The following ZCCHC7 variants were observed in gnomAD, a reference collection of about 807,000 sequenced individuals.
ZCCHC7 encodes zinc finger CCHC-type containing 7.
Under a neutral mutation model 52.0 loss-of-function variants are expected in ZCCHC7, and 35 were observed. The observed-to-expected ratio is 0.67, with a 90% CI of 0.51 to 0.89. The LOEUF is 0.89. ZCCHC7 is among the 40% of genes least tolerant of loss of function. The probability of loss-of-function intolerance (pLI) is 0.00; values close to 1 mark genes in which losing one functional copy is unlikely to be tolerated. For missense variants in ZCCHC7, 574 were observed against 649.1 expected, an observed-to-expected ratio of 0.88 and a Z score of 1.26; for synonymous variants, 217 against 221.5, an observed-to-expected ratio of 0.98 and a Z score of 0.18.
rs532929352 is a variant in ZCCHC7 at position 37,220,366 on chromosome 9, C to T, written c.611-81822C>T. 3.9e-5 allele frequency among the ~76,000 whole-genome samples: 6 copies of T among 152,160 alleles called. No individual in the cohort carries two copies. In the South Asian group the frequency reaches 1.0e-3, roughly 26 times the overall value. Reference sequence around the variant, plus strand: ...GACCAGCCTGGCCAACATGGTGAAACCCCATCTCTACCAAAAATATAAAAA... The same window carrying T: ...GACCAGCCTGGCCAACATGGTGAAATCCCATCTCTACCAAAAATATAAAAA... On this transcript the variant is annotated intron_variant, in intron 2 of 8. Transcript: ENST00000336755.
At chr9:37,295,068 C>T (rs1188538981) in intron 2 of ZCCHC7, among the ~76,000 whole-genome samples, 1 of 152,156 alleles carries the variant, frequency 6.6e-6, no homozygotes, top group Admixed American at 6.5e-5. Context: ...ATAGAAATTA[C>T]ACAGTTAAGT....
At chr9:37,305,756 G>A in intron 5 of ZCCHC7, 42 bp downstream of exon 5, 2 of 1,603,288 alleles carry the variant, frequency 1.2e-6, no homozygotes, top group Non-Finnish European at 8.5e-7. Flanking sequence ...GCTTTGGAGG[G>A]AGTGTGCAAG....
chr9:37,209,568 G>A (rs189586109), intron 2 of ZCCHC7, among the ~76,000 whole-genome samples: 3 of 152,040 alleles, frequency 2.0e-5, no homozygotes, highest in Admixed American at 6.5e-5. Context: ...ATATGCATAT[G>A]TATGTATACA....
intron 2 of ZCCHC7, among the ~76,000 whole-genome samples, chr9:37,257,174 C>T (rs1244375330): frequency 6.6e-6 from 1 of 152,142 alleles, no homozygotes; most frequent in African/African-American, 2.4e-5. Context: ...ATCAATATGG[C>T]GGGTAGAGGC....
chr9:37,259,579 A>C (rs1826765510), intron 2 of ZCCHC7, among the ~76,000 whole-genome samples: 1 of 152,188 alleles, frequency 6.6e-6, no homozygotes, highest in South Asian at 2.1e-4. Context: ...ACATTAGGAT[A>C]AATTTCTGAT....
intron 2 of ZCCHC7, among the ~76,000 whole-genome samples, chr9:37,159,885 G>A (rs754204149): frequency 2.0e-5 from 3 of 152,160 alleles, no homozygotes; most frequent in East Asian, 1.9e-4. Flanking sequence ...TTAATCAAGA[G>A]TAACCTGTTT....
At chr9:37,332,891 T>G (rs1830506411) in intron 6 of ZCCHC7, among the ~76,000 whole-genome samples, 1 of 151,798 alleles carries the variant, frequency 6.6e-6, no homozygotes, top group South Asian at 2.1e-4. Flanking sequence ...AAATTGTATG[T>G]ATGCATATTT....
Position 37,304,252 on chromosome 9 carries a change from A to G in ZCCHC7, c.719A>G (p.Asn240Ser). The change falls in exon 4 of 9, where the codon AAC becomes AGC. Residue 240 changes from asparagine (N) to serine (S), a missense_variant. Coordinates refer to ENST00000336755, the MANE Select transcript of ZCCHC7 (RefSeq NM_032226.3). ...WTQRYYSANK[N>S]IICRNCDKRG... ...CAGCGGTACTATTCAGCCAACAAAA[A>G]CATTATCTGTAGAAATTGTGACAAA... 1.2e-6 allele frequency: 2 copies of G among 1,614,108 alleles called. No homozygotes were observed. Among genetic ancestry groups the G allele is most frequent in the African/African-American group, 1.3e-5 (1 of 75,044 alleles).
intron 2 of ZCCHC7, among the ~76,000 whole-genome samples, chr9:37,231,282 G>GT (rs1457393173): frequency 2.6e-5 from 4 of 152,146 alleles, no homozygotes; most frequent in African/African-American, 9.7e-5. Flanking sequence ...AATTGCACTA[G>GT]TTACGTATAT....
intron 2 of ZCCHC7, among the ~76,000 whole-genome samples, chr9:37,293,408 T>C (rs2133642802): frequency 6.6e-6 from 1 of 152,328 alleles, no homozygotes; most frequent in African/African-American, 2.4e-5. Context: ...GATTGCTAGC[T>C]ATCAGCAGAT....
At chr9:37,206,274 G>A (rs1407610612) in intron 2 of ZCCHC7, among the ~76,000 whole-genome samples, 2 of 129,648 alleles carry the variant, frequency 1.5e-5, no homozygotes, top group Middle Eastern at 3.5e-3. Flanking sequence ...TTCCCCTCCC[G>A]GCTTTCTCCC....
chr9:37,334,581 A>G (rs1361761802), intron 6 of ZCCHC7, among the ~76,000 whole-genome samples: 1 of 152,024 alleles, frequency 6.6e-6, no homozygotes, highest in Non-Finnish European at 1.5e-5. Flanking sequence ...CTGAAAGTTA[A>G]TGAATTATTG....
intron 2 of ZCCHC7, among the ~76,000 whole-genome samples, chr9:37,169,527 TTTATC>T (rs1333433561): frequency 6.6e-6 from 1 of 152,204 alleles, no homozygotes; most frequent in Non-Finnish European, 1.5e-5. Context: ...CTATGGATAC[TTTATC>T]TTAAGTCTAA....
chr9:37,322,663 A>C (rs1671852864), intron 5 of ZCCHC7, among the ~76,000 whole-genome samples: 1 of 149,888 alleles, frequency 6.7e-6, no homozygotes, highest in Non-Finnish European at 1.5e-5. Context: ...CATTGCACAT[A>C]CTAGATGCTT....
At chr9:37,213,284 T>A (rs2133224700) in intron 2 of ZCCHC7, among the ~76,000 whole-genome samples, 1 of 152,296 alleles carries the variant, frequency 6.6e-6, no homozygotes, top group South Asian at 2.1e-4. Flanking sequence ...ACCTGGATAG[T>A]GTTATTTCCT....
At chr9:37,349,136 G>A (rs1454909117) in intron 6 of ZCCHC7, among the ~76,000 whole-genome samples, 2 of 152,196 alleles carry the variant, frequency 1.3e-5, no homozygotes, top group African/African-American at 4.8e-5. Flanking sequence ...AATTGAATGA[G>A]GAGGGAAGAA....
intron 2 of ZCCHC7, among the ~76,000 whole-genome samples, chr9:37,278,604 TC>T: frequency 6.6e-6 from 1 of 152,090 alleles, no homozygotes; most frequent in Non-Finnish European, 1.5e-5. Context: ...GGGAGAGAAT[TC>T]CCCACATTTA....
chr9:37,348,323 T>C (rs1821131582), intron 6 of ZCCHC7, among the ~76,000 whole-genome samples: 1 of 146,546 alleles, frequency 6.8e-6, no homozygotes, highest in Admixed American at 6.7e-5. Context: ...CCACGTCTTT[T>C]CAATGACCAA....
chr9:37,345,076 T>G (rs977070369), intron 6 of ZCCHC7, among the ~76,000 whole-genome samples: 12 of 152,226 alleles, frequency 7.9e-5, no homozygotes, highest in African/African-American at 2.9e-4. Flanking sequence ...GGCTTGTACC[T>G]CTACCCCTCG....
Sources: gnomAD v4.1 joint callset for allele counts (sites outside exome capture counted in the v4.1 genomes callset) on GRCh38, gnomAD v4.1.1 for gene constraint, MANE v1.5 for transcripts, NCBI Gene and HGNC (gene_info 2026-07-23, HGNC 2026-07-21) for gene names.